Variants in CFAP43 observed in about 807,000 individuals in gnomAD.
CFAP43 encodes cilia and flagella associated protein 43, also known as cilia- and flagella-associated protein 43.
CFAP43 carries 155 observed loss-of-function variants against 218.9 expected under a neutral mutation model. That is an observed-to-expected ratio of 0.71 (90% CI 0.62 to 0.81). The LOEUF is 0.81. Ranked by LOEUF, CFAP43 falls within the 30% of genes least tolerant of loss-of-function variation. The pLI, the probability that CFAP43 is intolerant of heterozygous loss-of-function variation, is 0.00. For missense variants in CFAP43, 1,778 were observed against 1,954.3 expected (o/e 0.91, Z 1.70); for synonymous variants, 645 against 681.3 (o/e 0.95, Z 0.83).
chr10:104,206,117 G>T, intron 6 of CFAP43, 87 bp from the exon 7 acceptor site: 2 of 1,035,830 alleles, frequency 1.9e-6, no homozygotes, highest in Non-Finnish European at 2.9e-6. Context: ...TTTTACTGAT[G>T]TAAATCTTAT....
At chr10:104,146,421 A>G in intron 29 of CFAP43, 72 bp from the exon 30 acceptor site, 3 of 1,121,342 alleles carry the variant, frequency 2.7e-6, no homozygotes, top group Non-Finnish European at 4.1e-6. Flanking sequence ...TGGGGATACT[A>G]AAAAGAGCAA....
In CFAP43 at chr10:104,186,008, C is replaced by T. The variant is rs753473385; in HGVS notation, c.1976G>A (p.Cys659Tyr). Reference protein sequence around the residue: ...HGLWLITIAKCGILCIRDVYT... With the variant: ...HGLWLITIAKYGILCIRDVYT... ...AACGTCTCGGATACACAGAATTCCA[C>T]ATTTAGCTATTGTTATGAGCCACAA... The change falls in exon 15 of 38, where the codon TGT becomes TAT. Residue 659 changes from cysteine to tyrosine, a missense_variant. By Grantham distance (194) the Cys-to-Tyr change is radical (BLOSUM62 -2). This residue lies in a region of CFAP43 where 1,553 missense variants were observed against 1,685.2 expected (regional missense o/e 0.92). Transcript: ENST00000357060. The T allele has an allele frequency of 1.2e-6, 2 of 1,611,540 alleles. No homozygotes were observed. The highest frequency in any genetic ancestry group is 1.7e-6 in the Non-Finnish European group (2 of 1,179,374).
chr10:104,190,552 C>T (rs1333997706), intron 12 of CFAP43, among the ~76,000 whole-genome samples: 2 of 152,166 alleles, frequency 1.3e-5, no homozygotes, highest in African/African-American at 2.4e-5. Context: ...CTACATATCC[C>T]GATTTCCAAA....
At chr10:104,187,516 G>T in intron 13 of CFAP43, 24 bp from the exon 14 acceptor site, 1 of 1,509,846 alleles carries the variant, frequency 6.6e-7, no homozygotes, top group Non-Finnish European at 8.8e-7. Context: ...AAAAAGAAGA[G>T]AAATCACTTG....
chr10:104,224,046 T>C (rs1438216014), intron 3 of CFAP43, among the ~76,000 whole-genome samples: 2 of 152,030 alleles, frequency 1.3e-5, no homozygotes, highest in Non-Finnish European at 2.9e-5. Flanking sequence ...GATGGATGAA[T>C]TTATTTATTT....
chr10:104,196,233 C>T (rs2090377852), intron 10 of CFAP43, among the ~76,000 whole-genome samples: 1 of 152,220 alleles, frequency 6.6e-6, no homozygotes, highest in Admixed American at 6.5e-5. Context: ...TTGAGGCACA[C>T]ATGAGGCCAG....
chr10:104,178,073 A>G (rs951269868), intron 19 of CFAP43, among the ~76,000 whole-genome samples: 4 of 152,348 alleles, frequency 2.6e-5, no homozygotes, highest in Admixed American at 2.6e-4. Context: ...ACAACACAGC[A>G]GTCCTGCATA....
At chr10:104,137,409 C>T (rs559258048) in intron 34 of CFAP43, among the ~76,000 whole-genome samples, 1 of 152,184 alleles carries the variant, frequency 6.6e-6, no homozygotes, top group Admixed American at 6.5e-5. Flanking sequence ...TAAGAATAGG[C>T]AAATCCATAC....
rs1044097752 is a variant in CFAP43, at chr10:104,184,928, C to G, written c.2141+88G>C. ...TTGCACTGGCAGTGGTCTCCCAGCA[C>G]GTTGGCCTTGCTGTACTTAAATAAT... On this transcript the variant is annotated intron_variant, in intron 16 of 37. Transcript: ENST00000357060. 5 of 1,527,982 alleles carry G rather than the reference C, an allele frequency of 3.3e-6. No homozygotes were observed. The African/African-American group carries it at 5.6e-5, about 17-fold the overall frequency. 94.7% of individuals were successfully genotyped at this position (1,527,982 alleles called of 1,614,324 possible).
chr10:104,184,251 C>T (rs1239990486), intron 16 of CFAP43, among the ~76,000 whole-genome samples: 1 of 152,028 alleles, frequency 6.6e-6, no homozygotes, highest in Non-Finnish European at 1.5e-5. Flanking sequence ...ATAGTACCTC[C>T]CTAAAACGGA....
chr10:104,137,454 G>A (rs923620231), intron 34 of CFAP43, among the ~76,000 whole-genome samples: 1 of 152,154 alleles, frequency 6.6e-6, no homozygotes, highest in Non-Finnish European at 1.5e-5. Flanking sequence ...AGGGGCTAAG[G>A]GAAGAGGTGG....
intron 10 of CFAP43, among the ~76,000 whole-genome samples, chr10:104,194,630 GA>G (rs1476663716): frequency 3.9e-5 from 6 of 152,134 alleles, no homozygotes; most frequent in African/African-American, 1.4e-4. Context: ...AGTCACCAAA[GA>G]AATGCGTAAC....
chr10:104,132,127 C>T lies in CFAP43; in HGVS notation c.4666G>A (p.Val1556Ile). 1.2e-6 allele frequency: 2 copies of T among 1,601,488 alleles called. No homozygotes were observed. The highest frequency in any genetic ancestry group is 4.5e-5 in the East Asian group (2 of 44,484). ...TCTTTGAGACTTACCTTATCTAAAA[C>T]AGCAATGGTTTGTTCCATTATTCCA... ...QIGIMEQTIA[V>I]LDKMHKKNVE... Residue 1556 changes from valine (V) to isoleucine (I), a missense_variant, in exon 36 of 38, where the codon GTT becomes ATT. By Grantham distance (29) the Val-to-Ile change is conservative. Transcript: ENST00000357060.
At chr10:104,144,450 A>G (rs2087860395) in intron 31 of CFAP43, among the ~76,000 whole-genome samples, 1 of 152,162 alleles carries the variant, frequency 6.6e-6, no homozygotes, top group East Asian at 1.9e-4. Context: ...GGAGATCGAG[A>G]TCATCCTGCT....
intron 8 of CFAP43, among the ~76,000 whole-genome samples, chr10:104,199,734 T>A (rs2090475661): frequency 6.6e-6 from 1 of 152,208 alleles, no homozygotes; most frequent in African/African-American, 2.4e-5. Flanking sequence ...CACTAACAGC[T>A]GAACAGGCAG....
At chr10:104,156,498 A>G (rs1472848597) in intron 27 of CFAP43, among the ~76,000 whole-genome samples, 1 of 152,156 alleles carries the variant, frequency 6.6e-6, no homozygotes, top group Non-Finnish European at 1.5e-5. Context: ...CTTTCTCCCA[A>G]TTGGCCCCAA....
chr10:104,186,278 A>C (rs1300543643), intron 14 of CFAP43, among the ~76,000 whole-genome samples, 155 bp from the exon 15 acceptor site: 2 of 152,242 alleles, frequency 1.3e-5, no homozygotes, highest in Non-Finnish European at 2.9e-5. Context: ...TGGATATAGG[A>C]TAAAGTGGAC....
intron 6 of CFAP43, among the ~76,000 whole-genome samples, chr10:104,207,051 A>G (rs1371230078): frequency 1.3e-5 from 2 of 152,014 alleles, no homozygotes; most frequent in African/African-American, 4.8e-5. Flanking sequence ...GTGTGTGCCT[A>G]TAATTCCAGG....
intron 27 of CFAP43, among the ~76,000 whole-genome samples, chr10:104,157,511 A>C (rs1029059901): frequency 2.0e-5 from 3 of 152,182 alleles, no homozygotes; most frequent in African/African-American, 7.2e-5. Context: ...ATCTCTGGGA[A>C]GAGGCAGAGA....
Sources: gnomAD v4.1 joint callset for allele counts (sites outside exome capture counted in the v4.1 genomes callset) on GRCh38, gnomAD v4.1.1 for gene constraint, gnomAD v4.1.1 regional missense constraint, MANE v1.5 for transcripts, NCBI Gene and HGNC (gene_info 2026-07-23, HGNC 2026-07-21) for gene names.